Variants in BTBD9 observed in about 807,000 individuals in gnomAD.
BTBD9 encodes the protein BTB domain containing 9.
Under a neutral mutation model 64.3 loss-of-function variants are expected in BTBD9, and 49 were observed. The observed-to-expected ratio is 0.76, with a 90% CI of 0.61 to 0.97. The LOEUF (loss-of-function observed/expected upper bound fraction) is 0.97. Ranked by LOEUF, BTBD9 falls within the 50% of genes least tolerant of loss-of-function variation. The pLI, the probability that BTBD9 is intolerant of heterozygous loss-of-function variation, is 0.00. For missense variants in BTBD9, 598 were observed against 762.1 expected, an observed-to-expected ratio of 0.78 and a Z score of 2.53; for synonymous variants, 260 against 274.7, an observed-to-expected ratio of 0.95 and a Z score of 0.53.
rs1165162179 is a variant in BTBD9, at chr6:38,592,893, T to A, written c.550-53A>T. 4 of 1,569,554 alleles carry A rather than the reference T, an allele frequency of 2.5e-6. No homozygotes were observed. In the South Asian group the frequency reaches 3.5e-5, roughly 14 times the overall value. On this transcript the variant is annotated intron_variant, in intron 3 of 10. Coordinates refer to ENST00000481247, the MANE Select transcript of BTBD9 (RefSeq NM_001099272.2). ...AGTTATATGAAGTTCAACCACTGCATGACCAATCAGTAAAAGCTTACAGGA... is the reference window on the plus strand; with the variant it reads ...AGTTATATGAAGTTCAACCACTGCAAGACCAATCAGTAAAAGCTTACAGGA...
rs1562231172 is a variant in BTBD9 at position 38,470,385 on chromosome 6, G to A, written c.1154+107215C>T. ...CAACCATGATCCTGGCCACAGAAGT[G>A]TATCTAGCCAAAAGATGTCTTGTTC... On this transcript the variant is annotated intron_variant, in intron 6 of 10. Coordinates refer to ENST00000481247, the MANE Select transcript of BTBD9 (RefSeq NM_001099272.2). Among the ~76,000 whole-genome samples, 5 of 152,324 alleles carry A rather than the reference G, an allele frequency of 3.3e-5. No individual in the cohort carries two copies. In the South Asian group the frequency reaches 8.3e-4, roughly 25 times the overall value.
At chr6:38,335,711 G>A (rs750451935) in intron 7 of BTBD9, among the ~76,000 whole-genome samples, 35 of 152,080 alleles carry the variant, frequency 2.3e-4, no homozygotes, top group Non-Finnish European at 3.1e-4. Context: ...GACTACAGGC[G>A]TGCGCCACCA....
chr6:38,610,093 ATGT>A (rs1303654397), intron 1 of BTBD9, among the ~76,000 whole-genome samples: 4 of 152,242 alleles, frequency 2.6e-5, no homozygotes, highest in Non-Finnish European at 4.4e-5. Flanking sequence ...AATTTTTTAA[ATGT>A]TGTTAGATTT....
intron 2 of BTBD9, among the ~76,000 whole-genome samples, chr6:38,595,350 T>C (rs2127494655): frequency 6.6e-6 from 1 of 152,346 alleles, no homozygotes; most frequent in African/African-American, 2.4e-5. Context: ...AGTGATTTTT[T>C]ATTTTTTTCC....
intron 9 of BTBD9, among the ~76,000 whole-genome samples, chr6:38,197,198 A>G (rs1442313964): frequency 5.3e-5 from 8 of 152,204 alleles, no homozygotes; most frequent in Non-Finnish European, 1.2e-4. Flanking sequence ...TTTGGTTCCC[A>G]ACACAATCTT....
intron 6 of BTBD9, among the ~76,000 whole-genome samples, chr6:38,402,641 T>G (rs1766983501): frequency 6.6e-6 from 1 of 152,170 alleles, no homozygotes; most frequent in African/African-American, 2.4e-5. Context: ...GACTCTTGCC[T>G]CACACTGTAT....
At chr6:38,358,222 T>C (rs1240569497) in intron 6 of BTBD9, among the ~76,000 whole-genome samples, 2 of 151,826 alleles carry the variant, frequency 1.3e-5, no homozygotes, top group African/African-American at 4.8e-5. Flanking sequence ...CACATGCAGA[T>C]GGGGTGATTT....
rs1766757409 is a variant in BTBD9, at chr6:38,171,538, G to GAGAAA, written c.*3442_*3446dup. The GAGAAA allele has an allele frequency of 7.2e-6, 1 of 139,834 alleles. No individual in the cohort carries two copies. Among genetic ancestry groups the GAGAAA allele is most frequent in the African/African-American group, 2.7e-5 (1 of 37,014 alleles). The allele number at this position is 139,834 out of a possible 1,614,324, so 8.7% of individuals were successfully genotyped here. A position where few individuals can be genotyped will look rare whatever the true frequency, so the allele number is the denominator to read the frequency against. On this transcript the variant is annotated 3_prime_UTR_variant, in exon 11 of 11. Coordinates refer to ENST00000481247, the MANE Select transcript of BTBD9 (RefSeq NM_001099272.2). The stretch of plus-strand genomic sequence containing the variant: ...AAGGAATGAAAGCAGAAAAAGCACT[G>GAGAAA]AGAAAATGGTAAAACGGGTGTGTGT...
At chr6:38,517,221 G>C (rs1773071412) in intron 6 of BTBD9, among the ~76,000 whole-genome samples, 1 of 152,184 alleles carries the variant, frequency 6.6e-6, no homozygotes, top group Non-Finnish European at 1.5e-5. Context: ...TTCCAGATCT[G>C]AGAAAGTAAA....
chr6:38,195,630 C>T (rs1249088039), intron 9 of BTBD9, among the ~76,000 whole-genome samples: 1 of 152,192 alleles, frequency 6.6e-6, no homozygotes, highest in African/African-American at 2.4e-5. Context: ...TAACACCAGT[C>T]ACCTGCTCAC....
chr6:38,531,937 A>G (rs544596313), intron 6 of BTBD9, among the ~76,000 whole-genome samples: 8 of 152,102 alleles, frequency 5.3e-5, no homozygotes, highest in Non-Finnish European at 8.8e-5. Flanking sequence ...AAGGACACCA[A>G]TTTAACAACT....
At chr6:38,185,886 T>C (rs1053089842) in intron 10 of BTBD9, among the ~76,000 whole-genome samples, 1 of 152,220 alleles carries the variant, frequency 6.6e-6, no homozygotes, top group Non-Finnish European at 1.5e-5. Flanking sequence ...CTACAGTCCC[T>C]GCAGCCCGTT....
intron 1 of BTBD9, among the ~76,000 whole-genome samples, chr6:38,622,081 T>C (rs1778001187): frequency 6.6e-6 from 1 of 152,170 alleles, no homozygotes; most frequent in Admixed American, 6.5e-5. Context: ...CATATGGGTA[T>C]TAAGAACACT....
chr6:38,210,430 A>T (rs1448282472), intron 9 of BTBD9, among the ~76,000 whole-genome samples: 1 of 152,172 alleles, frequency 6.6e-6, no homozygotes. Context: ...CAGCTGTGCT[A>T]GAAACGCAAT....
At chr6:38,256,048 C>T (rs890390641) in intron 9 of BTBD9, among the ~76,000 whole-genome samples, 2 of 150,928 alleles carry the variant, frequency 1.3e-5, no homozygotes, top group Non-Finnish European at 2.9e-5. Context: ...TGCACATGTA[C>T]CCTAGAACTT....
chr6:38,625,006 T>C (rs1486657271), intron 1 of BTBD9, among the ~76,000 whole-genome samples: 1 of 152,228 alleles, frequency 6.6e-6, no homozygotes, highest in Non-Finnish European at 1.5e-5. Context: ...TGGACTTAGG[T>C]TTGAAAGCTT....
intron 6 of BTBD9, among the ~76,000 whole-genome samples, chr6:38,350,556 T>C (rs1194139399): frequency 6.6e-6 from 1 of 152,200 alleles, no homozygotes; most frequent in Non-Finnish European, 1.5e-5. Context: ...TTAAATGAGC[T>C]CTCAAGGGAT....
chr6:38,546,233 A>G (rs1242413162), intron 6 of BTBD9, among the ~76,000 whole-genome samples: 1 of 152,200 alleles, frequency 6.6e-6, no homozygotes, highest in Non-Finnish European at 1.5e-5. Flanking sequence ...AAAGGGCTGG[A>G]GATGGATCTA....
intron 6 of BTBD9, among the ~76,000 whole-genome samples, chr6:38,361,278 T>C (rs1327469633): frequency 1.3e-5 from 2 of 152,214 alleles, no homozygotes; most frequent in African/African-American, 4.8e-5. Context: ...GAGCAGTGGC[T>C]CATGACTGTA....
Sources: allele counts gnomAD v4.1 joint callset (sites outside exome capture counted in the v4.1 genomes callset), GRCh38; gene constraint gnomAD v4.1.1; transcripts MANE v1.5; gene names NCBI Gene and HGNC (gene_info 2026-07-23, HGNC 2026-07-21).